The following CTNND2 variants were observed in gnomAD, a reference collection of about 807,000 sequenced individuals.
The protein encoded by CTNND2 is catenin delta 2.
CTNND2 carries 22 observed loss-of-function variants against 144.4 expected under a neutral mutation model. The ratio of observed to expected loss-of-function variants is 0.15; its 90% CI spans 0.11 to 0.22. The LOEUF is 0.22. Ranked by LOEUF, CTNND2 falls within the 10% of genes least tolerant of loss-of-function variation. CTNND2 has a pLI of 1.00. For synonymous variants in CTNND2, 751 were observed against 695.6 expected (o/e 1.08, Z -1.25); for missense variants, 1,353 against 1,618.8 (o/e 0.84, Z 2.82).
At chr5:11,603,527 A>AC (rs1779907729) in intron 2 of CTNND2, among the ~76,000 whole-genome samples, 1 of 152,156 alleles carries the variant, frequency 6.6e-6, no homozygotes, top group Non-Finnish European at 1.5e-5. Flanking sequence ...AGTGAAATAG[A>AC]CTAGAGGCCT....
chr5:11,292,643 T>C (rs975554442), intron 9 of CTNND2, among the ~76,000 whole-genome samples: 2 of 152,198 alleles, frequency 1.3e-5, no homozygotes, highest in Non-Finnish European at 2.9e-5. Context: ...CTTTCTGCCA[T>C]GATTGTAAGT....
At chr5:11,381,803 T>TA (rs530543219) in intron 7 of CTNND2, among the ~76,000 whole-genome samples, 3 of 151,702 alleles carry the variant, frequency 2.0e-5, no homozygotes, top group Non-Finnish European at 4.4e-5. Context: ...CCGTCTCTAC[T>TA]AAAAATACAA....
chr5:11,480,434 T>C (rs189933453), intron 3 of CTNND2, among the ~76,000 whole-genome samples: 63 of 152,284 alleles, frequency 4.1e-4, no homozygotes, highest in Non-Finnish European at 7.1e-4. Context: ...TTAAGTAGCT[T>C]ATTACGGAAC....
chr5:11,180,799 A>G (rs1401571687), intron 11 of CTNND2, among the ~76,000 whole-genome samples: 1 of 152,244 alleles, frequency 6.6e-6, no homozygotes, highest in Non-Finnish European at 1.5e-5. Context: ...ACTGAAATAC[A>G]TCACTCCTAA....
At chr5:11,579,973 A>G (rs148912587) in intron 2 of CTNND2, among the ~76,000 whole-genome samples, 100 of 152,334 alleles carry the variant, frequency 6.6e-4, no homozygotes, top group African/African-American at 2.3e-3. Context: ...TTCAAGTGGG[A>G]AAAGCAATAG....
chr5:11,417,980 T>C (rs186203832), intron 3 of CTNND2, among the ~76,000 whole-genome samples: 71 of 152,154 alleles, frequency 4.7e-4, no homozygotes, highest in African/African-American at 1.6e-3. Flanking sequence ...TTATGGAAAA[T>C]GCATATTATG....
At chr5:11,338,577 T>C (rs569934100) in intron 9 of CTNND2, among the ~76,000 whole-genome samples, 1 of 152,330 alleles carries the variant, frequency 6.6e-6, no homozygotes, top group African/African-American at 2.4e-5. Context: ...GTACTTTGGG[T>C]AGGACTATGC....
At chr5:11,318,550 T>G (rs1017964360) in intron 9 of CTNND2, among the ~76,000 whole-genome samples, 9 of 152,112 alleles carry the variant, frequency 5.9e-5, no homozygotes, top group Non-Finnish European at 1.2e-4. Flanking sequence ...GAACCTGATT[T>G]CTTTTCTCAG....
At chr5:11,480,646 A>G (rs168722) in intron 3 of CTNND2, among the ~76,000 whole-genome samples, 69,661 of 149,148 alleles carry the variant, frequency 0.47, 16,526 homozygotes, top group Middle Eastern at 0.58. Context: ...AAATACATAT[A>G]TGTGTGTGTG....
At chr5:11,614,675 C>T (rs1350780930) in intron 2 of CTNND2, among the ~76,000 whole-genome samples, 1 of 152,158 alleles carries the variant, frequency 6.6e-6, no homozygotes, top group Non-Finnish European at 1.5e-5. Flanking sequence ...TGGGTATAGT[C>T]ACATGACGGA....
intron 2 of CTNND2, among the ~76,000 whole-genome samples, chr5:11,638,144 G>A (rs1781809555): frequency 6.6e-6 from 1 of 152,072 alleles, no homozygotes. Context: ...TGCCCCTCTG[G>A]GTAATTAATG....
At chr5:11,491,808 C>T (rs1464870221) in intron 3 of CTNND2, among the ~76,000 whole-genome samples, 1 of 152,100 alleles carries the variant, frequency 6.6e-6, no homozygotes, top group Non-Finnish European at 1.5e-5. Context: ...AAGCCGATAC[C>T]CAGTCAATGT....
At chr5:11,680,919 G>A (rs1410125224) in intron 2 of CTNND2, among the ~76,000 whole-genome samples, 1 of 152,180 alleles carries the variant, frequency 6.6e-6, no homozygotes, top group East Asian at 1.9e-4. Context: ...AGGAATGCTA[G>A]TGGAGAGAAA....
At chr5:11,010,969 C>T (rs963804237) in intron 18 of CTNND2, among the ~76,000 whole-genome samples, 7 of 152,230 alleles carry the variant, frequency 4.6e-5, no homozygotes, top group African/African-American at 1.2e-4. Context: ...GAAATATGAT[C>T]TTACTCTGTT....
At chr5:11,874,723 G>A (rs957776044) in intron 1 of CTNND2, among the ~76,000 whole-genome samples, 2 of 152,186 alleles carry the variant, frequency 1.3e-5, no homozygotes, top group Non-Finnish European at 2.9e-5. Context: ...GCTTATTTGT[G>A]TAATTTTCTA....
chr5:11,278,211 C>A (rs1479791140), intron 9 of CTNND2, among the ~76,000 whole-genome samples: 2 of 152,194 alleles, frequency 1.3e-5, no homozygotes, highest in African/African-American at 4.8e-5. Flanking sequence ...TTCTACTCAA[C>A]CTCTACCCAC....
At chr5:11,268,661 C>T (rs1289739634) in intron 9 of CTNND2, among the ~76,000 whole-genome samples, 1 of 152,070 alleles carries the variant, frequency 6.6e-6, no homozygotes, top group African/African-American at 2.4e-5. Flanking sequence ...AAAGTACTAT[C>T]ACACTATAAT....
intron 18 of CTNND2, among the ~76,000 whole-genome samples, chr5:11,003,722 C>G (rs1409416320): frequency 6.6e-6 from 1 of 152,138 alleles, no homozygotes; most frequent in Non-Finnish European, 1.5e-5. Context: ...AAAACTAATT[C>G]CATCAACAAT....
At chr5:11,685,124 A>C (rs1308587558) in intron 2 of CTNND2, among the ~76,000 whole-genome samples, 1 of 152,214 alleles carries the variant, frequency 6.6e-6, no homozygotes, top group Admixed American at 6.5e-5. Flanking sequence ...TACTTTAGAA[A>C]GTAGATTACC....
Sources: allele counts gnomAD v4.1 joint callset (sites outside exome capture counted in the v4.1 genomes callset), GRCh38; gene constraint gnomAD v4.1.1; transcripts MANE v1.5; gene names NCBI Gene and HGNC (gene_info 2026-07-23, HGNC 2026-07-21).